RBFOX1: variants seen among roughly 807,000 people sequenced by gnomAD.
The protein encoded by RBFOX1 is RNA binding fox-1 homolog 1.
RBFOX1 carries 8 observed loss-of-function variants against 57.7 expected under a neutral mutation model. That is an observed-to-expected ratio of 0.14 (90% confidence interval 0.08 to 0.25). The LOEUF (loss-of-function observed/expected upper bound fraction) is 0.25. Ranked by LOEUF, RBFOX1 falls within the 10% of genes least tolerant of loss-of-function variation. The pLI is 1.00. For synonymous variants in RBFOX1, 326 were observed against 222.4 expected, an observed-to-expected ratio of 1.47 and a Z score of -4.15; for missense variants, 611 against 548.5, an observed-to-expected ratio of 1.11 and a Z score of -1.14.
intron 4 of RBFOX1, among the ~76,000 whole-genome samples, chr16:7,330,756 A>G (rs562703387): frequency 2.0e-5 from 3 of 151,998 alleles, no homozygotes; most frequent in African/African-American, 4.8e-5. Context: ...TGGTCTTTCT[A>G]TTTTACAACA....
At chr16:7,192,771 G>T (rs9935380) in intron 4 of RBFOX1, among the ~76,000 whole-genome samples, 2 of 152,166 alleles carry the variant, frequency 1.3e-5, no homozygotes, top group South Asian at 4.1e-4. Flanking sequence ...CAATCTTTCT[G>T]TGAGTCTAAA....
chr16:6,518,852 T>G (rs2096444342), intron 2 of RBFOX1, among the ~76,000 whole-genome samples: 1 of 149,682 alleles, frequency 6.7e-6, no homozygotes, highest in Non-Finnish European at 1.5e-5. Context: ...TCTATCTGTC[T>G]TCCTGCAGAA....
intron 4 of RBFOX1, among the ~76,000 whole-genome samples, chr16:5,903,166 T>C (rs887252335): frequency 5.5e-4 from 83 of 152,122 alleles, no homozygotes; most frequent in African/African-American, 1.7e-3. Context: ...ATGGGAAATA[T>C]GTTCTGCACT....
intron 1 of RBFOX1, among the ~76,000 whole-genome samples, chr16:6,079,620 G>C (rs2095968271): frequency 6.6e-6 from 1 of 150,486 alleles, no homozygotes; most frequent in Non-Finnish European, 1.5e-5. Flanking sequence ...CTTTTGAAAT[G>C]GTACAGGAGT....
At chr16:7,093,721 C>A (rs186666849) in intron 4 of RBFOX1, among the ~76,000 whole-genome samples, 1 of 152,116 alleles carries the variant, frequency 6.6e-6, no homozygotes, top group African/African-American at 2.4e-5. Flanking sequence ...GGGAGTAATA[C>A]GCTATTTTCC....
At chr16:7,077,926 G>T (rs17142146) in intron 4 of RBFOX1, among the ~76,000 whole-genome samples, 1,983 of 152,240 alleles carry the variant, frequency 0.013, 50 homozygotes, top group African/African-American at 0.046. Flanking sequence ...CAAAATGTTT[G>T]CTCAACTCAT....
In RBFOX1 at chr16:6,944,998, G is replaced by A. The variant is rs756636607; in HGVS notation, c.-15-107059G>A. ...TTGCTCCTCCTGGGTGAAAAGGGTC[G>A]TGACTTTTAGCAGCTCTTCTTCTTA... is the stretch of plus-strand genomic sequence containing the variant. On this transcript the variant is annotated intron_variant, in intron 3 of 15. Coordinates refer to ENST00000550418, the MANE Select transcript of RBFOX1 (RefSeq NM_018723.4). Among the ~76,000 whole-genome samples the A allele has an allele frequency of 7.9e-5, 12 of 152,080 alleles. 1 individual carries two copies. The highest frequency in any genetic ancestry group is 4.2e-4 in the South Asian group (2 of 4,810).
At position 7,710,872 on chromosome 16, in the gene RBFOX1, GA is replaced by G. The variant is rs908051064; in HGVS notation, c.*135del. The G allele has an allele frequency of 5.5e-5, 54 of 980,854 alleles. No homozygotes were observed. Among genetic ancestry groups the G allele is most frequent in the African/African-American group, 2.2e-4 (13 of 58,586 alleles). 60.8% of individuals were successfully genotyped at this position (980,854 alleles called of 1,614,324 possible). ...AAAAAAAAAAAATACAAATAAAAAG[GA>G]AAAAAAATTACATTTTTTATCTTAT... On this transcript the variant is annotated 3_prime_UTR_variant, in exon 16 of 16. Transcript: ENST00000550418.
chr16:6,933,677 C>T (rs1940232739), intron 3 of RBFOX1, among the ~76,000 whole-genome samples: 1 of 152,216 alleles, frequency 6.6e-6, no homozygotes, highest in Non-Finnish European at 1.5e-5. Context: ...CGTATGACTG[C>T]ACACTCCAGC....
chr16:7,633,408 A>ATTT (rs2061292311), intron 11 of RBFOX1, among the ~76,000 whole-genome samples: 1 of 152,210 alleles, frequency 6.6e-6, no homozygotes, highest in Admixed American at 6.5e-5. Context: ...ATTATATGCC[A>ATTT]TGTGCTTTTT....
intron 2 of RBFOX1, among the ~76,000 whole-genome samples, chr16:5,584,898 T>C (rs2046783650): frequency 6.6e-6 from 1 of 152,072 alleles, no homozygotes; most frequent in South Asian, 2.1e-4. Flanking sequence ...TGTAGAAATC[T>C]GTGGTTTTAT....
At chr16:7,143,900 G>A (rs997534588) in intron 4 of RBFOX1, among the ~76,000 whole-genome samples, 2 of 152,156 alleles carry the variant, frequency 1.3e-5, no homozygotes, top group African/African-American at 2.4e-5. Context: ...GTCCCTAGGA[G>A]CTATTACTGT....
intron 2 of RBFOX1, among the ~76,000 whole-genome samples, chr16:5,593,234 C>T (rs1041836265): frequency 2.6e-5 from 4 of 151,722 alleles, no homozygotes; most frequent in African/African-American, 9.7e-5. Flanking sequence ...AGCAAACTAA[C>T]ACAGGAACAG....
At chr16:6,682,924 A>G (rs1421404428) in intron 3 of RBFOX1, among the ~76,000 whole-genome samples, 1 of 151,948 alleles carries the variant, frequency 6.6e-6, no homozygotes, top group Non-Finnish European at 1.5e-5. Context: ...ATGAGAGCCA[A>G]AATTCACAGG....
At chr16:7,285,682 A>G (rs1249919178) in intron 4 of RBFOX1, among the ~76,000 whole-genome samples, 1 of 152,046 alleles carries the variant, frequency 6.6e-6, no homozygotes, top group Non-Finnish European at 1.5e-5. Flanking sequence ...TTCCCTGGAG[A>G]CTCATTGAAA....
chr16:6,784,286 A>G (rs2081535418), intron 3 of RBFOX1, among the ~76,000 whole-genome samples: 1 of 152,078 alleles, frequency 6.6e-6, no homozygotes, highest in Admixed American at 6.6e-5. Flanking sequence ...TAAATATTAC[A>G]GGCATCTTTT....
chr16:6,768,120 C>A (rs1202616243), intron 3 of RBFOX1, among the ~76,000 whole-genome samples: 1 of 151,618 alleles, frequency 6.6e-6, no homozygotes, highest in Non-Finnish European at 1.5e-5. Flanking sequence ...TTTGCTTGGC[C>A]CCCGAGGCAG....
At chr16:7,120,832 C>T (rs60916123) in intron 4 of RBFOX1, among the ~76,000 whole-genome samples, 4,816 of 24,640 alleles carry the variant, frequency 0.2, 171 homozygotes, top group African/African-American at 0.26. Flanking sequence ...TGTATATATA[C>T]ACACACACAC....
chr16:5,421,047 C>A (rs1224741414), intron 1 of RBFOX1, among the ~76,000 whole-genome samples: 1 of 148,994 alleles, frequency 6.7e-6, no homozygotes. Context: ...TGCTTTGTCA[C>A]CTAGGCTGGA....
Sources: allele counts gnomAD v4.1 joint callset (sites outside exome capture counted in the v4.1 genomes callset), GRCh38; gene constraint gnomAD v4.1.1; transcripts MANE v1.5; gene names NCBI Gene and HGNC (gene_info 2026-07-23, HGNC 2026-07-21).